The following RBM20 variants were observed in gnomAD, a reference collection of about 807,000 sequenced individuals.
The protein encoded by RBM20 is RNA-binding protein 20.
RBM20 carries 51 observed loss-of-function variants against 110.1 expected under a neutral mutation model. The observed-to-expected ratio is 0.46, with a 90% CI of 0.37 to 0.59. The LOEUF (loss-of-function observed/expected upper bound fraction) is 0.59, where lower values mean the gene tolerates loss of function less well. Among genes scored for constraint, RBM20 ranks in the 20% least tolerant of loss-of-function variants. The pLI is 0.00. For missense variants in RBM20, 1,512 were observed against 1,574.9 expected, an observed-to-expected ratio of 0.96 and a Z score of 0.68; for synonymous variants, 589 against 618.2, an observed-to-expected ratio of 0.95 and a Z score of 0.70.
At chr10:110,754,488 C>T (rs558822430) in intron 1 of RBM20, among the ~76,000 whole-genome samples, 112 of 152,312 alleles carry the variant, frequency 7.4e-4, no homozygotes, top group Middle Eastern at 3.4e-3. Flanking sequence ...GGCCTTCTGA[C>T]TTATCCCCTA....
intron 1 of RBM20, among the ~76,000 whole-genome samples, chr10:110,762,786 T>C (rs1017528712): frequency 6.6e-6 from 1 of 152,178 alleles, no homozygotes; most frequent in African/African-American, 2.4e-5. Flanking sequence ...GCCTTCTATG[T>C]GGGTTTGGGA....
At chr10:110,807,956 C>T (rs1844716278) in intron 7 of RBM20, among the ~76,000 whole-genome samples, 1 of 152,222 alleles carries the variant, frequency 6.6e-6, no homozygotes, top group South Asian at 2.1e-4. Flanking sequence ...TGGCAGATCT[C>T]ATGTCATGGT....
At chr10:110,704,949 A>G (rs538764702) in intron 1 of RBM20, among the ~76,000 whole-genome samples, 1 of 152,352 alleles carries the variant, frequency 6.6e-6, no homozygotes, top group African/African-American at 2.4e-5. Flanking sequence ...GGAATATTAT[A>G]TGTTTTTGGT....
rs1217481644 is a variant in RBM20, at chr10:110,711,081, G to A, written c.191+66436G>A. 5.3e-5 allele frequency among the ~76,000 whole-genome samples: 8 copies of A among 152,002 alleles called. No individual in the cohort carries two copies. The South Asian group carries it at 6.2e-4, about 12-fold the overall frequency. Reference sequence around the variant, plus strand: ...GTGCGTGTGTGATTAGACTCCAGCCGGGCGATTGTGGCCACCCCTATCCAG... The same window carrying A: ...GTGCGTGTGTGATTAGACTCCAGCCAGGCGATTGTGGCCACCCCTATCCAG... On this transcript the variant is annotated intron_variant, in intron 1 of 13. Transcript: ENST00000369519.
intron 1 of RBM20, among the ~76,000 whole-genome samples, chr10:110,725,615 C>A (rs1191096714): frequency 6.6e-6 from 1 of 152,104 alleles, no homozygotes; most frequent in African/African-American, 2.4e-5. Context: ...ACATGTATAA[C>A]ATAAAATGGA....
intron 1 of RBM20, among the ~76,000 whole-genome samples, chr10:110,659,980 A>AT (rs555576656): frequency 7.8e-4 from 118 of 151,206 alleles, no homozygotes; most frequent in African/African-American, 2.7e-3. Flanking sequence ...TGCCTGGCTA[A>AT]TTTTTTTTGT....
intron 1 of RBM20, among the ~76,000 whole-genome samples, chr10:110,769,724 A>ATT (rs770732331): frequency 6.8e-6 from 1 of 146,660 alleles, no homozygotes; most frequent in African/African-American, 2.5e-5. Flanking sequence ...CTCACTATAG[A>ATT]TTTTTTTTTT....
intron 1 of RBM20, among the ~76,000 whole-genome samples, chr10:110,661,982 G>T (rs1330365531): frequency 1.3e-5 from 2 of 151,264 alleles, no homozygotes; most frequent in Non-Finnish European, 2.9e-5. Context: ...TTGCACTCCA[G>T]CCTGGGTGAC....
intron 1 of RBM20, among the ~76,000 whole-genome samples, chr10:110,732,157 A>G (rs1263971969): frequency 3.3e-5 from 5 of 151,984 alleles, no homozygotes; most frequent in African/African-American, 1.2e-4. Flanking sequence ...TCTTATACAT[A>G]GCATCCTTCA....
At chr10:110,663,439 C>T (rs1282958617) in intron 1 of RBM20, among the ~76,000 whole-genome samples, 1 of 152,180 alleles carries the variant, frequency 6.6e-6, no homozygotes, top group African/African-American at 2.4e-5. Context: ...AAGCGGATGG[C>T]ATGCTATCTA....
rs1208272392 is a variant in RBM20, at chr10:110,781,215, A to G, written c.606A>G (p.Val202=). 1.3e-6 allele frequency: 2 copies of G among 1,551,648 alleles called. No homozygotes were observed. The highest frequency in any genetic ancestry group is 2.4e-5 in the East Asian group (1 of 40,922). The change falls in exon 2 of 14, where the codon GTA becomes GTG. Residue 202 remains valine, a synonymous_variant. Transcript: ENST00000369519. ...TGGTGATGCATCCTTTCACTGGGGT[A>G]ATGCCTCAGACCCCTGGCCAGCCAG... The part of the protein sequence containing the change: ...SAMVMHPFTG[V]MPQTPGQPAV...
intron 7 of RBM20, among the ~76,000 whole-genome samples, chr10:110,802,331 T>C (rs905393915): frequency 2.6e-5 from 4 of 151,520 alleles, no homozygotes; most frequent in African/African-American, 9.7e-5. Context: ...TTTGCTTGCA[T>C]CATTGCCTCT....
intron 1 of RBM20, among the ~76,000 whole-genome samples, chr10:110,651,126 G>A (rs887556513): frequency 6.6e-6 from 1 of 152,178 alleles, no homozygotes; most frequent in African/African-American, 2.4e-5. Flanking sequence ...ATAAAATTAG[G>A]TGGCTCTTGT....
In RBM20 at chr10:110,836,023, G is replaced by A; in HGVS notation, c.*45G>A. ...ACTGCTGCTGCTGCAAGGTTGGAAAGGAGAGCTTGCTGAAGTGGGGCCTTC... is the reference window on the plus strand; with the variant it reads ...ACTGCTGCTGCTGCAAGGTTGGAAAAGAGAGCTTGCTGAAGTGGGGCCTTC... On this transcript the variant is annotated 3_prime_UTR_variant, in exon 14 of 14. Coordinates refer to ENST00000369519, the MANE Select transcript of RBM20 (RefSeq NM_001134363.3). 1.2e-6 allele frequency: 1 copy of A among 806,106 alleles called. No individual in the cohort carries two copies. Among genetic ancestry groups the A allele is most frequent in the Non-Finnish European group, 2.0e-6 (1 of 496,004 alleles). The allele number at this position is 806,106 out of a possible 1,614,324, so 49.9% of individuals were successfully genotyped here.
chr10:110,751,590 C>T (rs549345721), intron 1 of RBM20, among the ~76,000 whole-genome samples: 24 of 152,256 alleles, frequency 1.6e-4, no homozygotes, highest in African/African-American at 1.7e-4. Flanking sequence ...GCACCTAAAC[C>T]GTCATGGCAA....
intron 1 of RBM20, among the ~76,000 whole-genome samples, chr10:110,780,593 G>A (rs544269734): frequency 4.7e-5 from 7 of 147,500 alleles, no homozygotes; most frequent in Admixed American, 1.4e-4. Flanking sequence ...GAGATTGAAC[G>A]TTCTGTCATA....
intron 1 of RBM20, among the ~76,000 whole-genome samples, chr10:110,737,193 A>AAAAAAAAAAAAAAAAAAAAAAC (rs796374212): frequency 6.9e-5 from 8 of 116,448 alleles, no homozygotes; most frequent in African/African-American, 1.1e-4. Context: ...AAAAAAAAAA[A>AAAAAAAAAAAAAAAAAAAAAAC]AAAACACCCC....
chr10:110,779,213 T>A (rs1372647950), intron 1 of RBM20, among the ~76,000 whole-genome samples: 6 of 152,214 alleles, frequency 3.9e-5, no homozygotes, highest in African/African-American at 1.2e-4. Flanking sequence ...ATGGAAGGGT[T>A]GGGACTTTCA....
intron 1 of RBM20, among the ~76,000 whole-genome samples, chr10:110,673,357 A>C (rs2134845537): frequency 6.6e-6 from 1 of 152,190 alleles, no homozygotes; most frequent in East Asian, 1.9e-4. Context: ...GATTACAGGC[A>C]CACACCACCA....
Sources: gnomAD v4.1 joint callset for allele counts (sites outside exome capture counted in the v4.1 genomes callset) on GRCh38, gnomAD v4.1.1 for gene constraint, MANE v1.5 for transcripts, NCBI Gene and HGNC (gene_info 2026-07-23, HGNC 2026-07-21) for gene names.